Variants in RFX3 observed in about 807,000 individuals in gnomAD.
The protein encoded by RFX3 is regulatory factor X3.
In RFX3, 14 loss-of-function variants were observed where a neutral mutation model predicts 98.6. That is an observed-to-expected ratio of 0.14 (90% CI 0.09 to 0.22). The LOEUF is 0.22. Ranked by LOEUF, RFX3 falls within the 10% of genes least tolerant of loss-of-function variation. RFX3 has a pLI of 1.00. For synonymous variants in RFX3, 383 were observed against 328.4 expected (o/e 1.17, Z -1.80); for missense variants, 639 against 926.9 (o/e 0.69, Z 4.03).
At chr9:3,350,424 G>A (rs547323258) in intron 2 of RFX3, among the ~76,000 whole-genome samples, 1 of 152,256 alleles carries the variant, frequency 6.6e-6, no homozygotes, top group African/African-American at 2.4e-5. Flanking sequence ...CTAAATGCTA[G>A]CAGGGATGTG....
At chr9:3,243,132 G>A (rs1243396976) in intron 15 of RFX3, among the ~76,000 whole-genome samples, 1 of 151,892 alleles carries the variant, frequency 6.6e-6, no homozygotes, top group Non-Finnish European at 1.5e-5. Context: ...AGAGTTGTAT[G>A]GAAAGCTTTA....
intron 6 of RFX3, among the ~76,000 whole-genome samples, chr9:3,289,030 CAA>C (rs1469931217): frequency 6.6e-6 from 1 of 151,998 alleles, no homozygotes; most frequent in East Asian, 1.9e-4. Flanking sequence ...TTAGAAATGA[CAA>C]AGTTTTGCTC....
chr9:3,386,211 G>C (rs73385622), intron 2 of RFX3, among the ~76,000 whole-genome samples: 2,143 of 152,158 alleles, frequency 0.014, 68 homozygotes, highest in African/African-American at 0.049. Flanking sequence ...AGAACAAAGA[G>C]AAAGTGGCCA....
intron 2 of RFX3, among the ~76,000 whole-genome samples, chr9:3,388,066 T>C (rs1292838340): frequency 1.3e-5 from 2 of 152,172 alleles, no homozygotes; most frequent in Admixed American, 6.6e-5. Context: ...ATTGCTTTAA[T>C]GACAATAAAC....
intron 2 of RFX3, among the ~76,000 whole-genome samples, chr9:3,386,339 T>C (rs1446850885): frequency 1.3e-5 from 2 of 151,958 alleles, no homozygotes; most frequent in Non-Finnish European, 2.9e-5. Flanking sequence ...TAGTAAAAAA[T>C]AATAAACATA....
At chr9:3,350,772 T>G (rs1835012375) in intron 2 of RFX3, among the ~76,000 whole-genome samples, 1 of 151,994 alleles carries the variant, frequency 6.6e-6, no homozygotes, top group Non-Finnish European at 1.5e-5. Flanking sequence ...TGAAAAGAAA[T>G]GAACTACCAA....
intron 2 of RFX3, among the ~76,000 whole-genome samples, chr9:3,380,254 A>G (rs907747923): frequency 6.6e-6 from 1 of 152,128 alleles, no homozygotes; most frequent in African/African-American, 2.4e-5. Context: ...TATTTCAAAG[A>G]TAAGAAAACT....
chr9:3,336,650 T>C (rs1280930337), intron 3 of RFX3, among the ~76,000 whole-genome samples: 1 of 152,174 alleles, frequency 6.6e-6, no homozygotes, highest in African/African-American at 2.4e-5. Flanking sequence ...TGAAGTATTT[T>C]AGATATAACA....
intron 1 of RFX3, chr9:3,452,391 G>A (rs1217419309): frequency 3.2e-6 from 1 of 315,602 alleles, no homozygotes; most frequent in African/African-American, 2.2e-5. Flanking sequence ...AGGAGTTCAA[G>A]TCCAGCTTGG....
At chr9:3,430,882 G>A (rs981470567) in intron 1 of RFX3, among the ~76,000 whole-genome samples, 3 of 151,786 alleles carry the variant, frequency 2.0e-5, no homozygotes, top group African/African-American at 7.3e-5. Flanking sequence ...ATATATGTAG[G>A]TACTAGTCTG....
At chr9:3,257,514 C>A (rs551167929) in intron 13 of RFX3, among the ~76,000 whole-genome samples, 1 of 152,302 alleles carries the variant, frequency 6.6e-6, no homozygotes, top group Non-Finnish European at 1.5e-5. Context: ...AAATAGAAGT[C>A]TGAACCTACA....
At chr9:3,319,922 T>C (rs1344360279) in intron 4 of RFX3, among the ~76,000 whole-genome samples, 1 of 151,240 alleles carries the variant, frequency 6.6e-6, no homozygotes, top group Non-Finnish European at 1.5e-5. Context: ...CATTCCAAAA[T>C]GTTGAACAGT....
At chr9:3,241,431 G>A (rs1819910077) in intron 15 of RFX3, among the ~76,000 whole-genome samples, 1 of 152,096 alleles carries the variant, frequency 6.6e-6, no homozygotes, top group African/African-American at 2.4e-5. Flanking sequence ...ATAGCCCAGA[G>A]CCAGCAGGGA....
At chr9:3,232,215 C>G (rs1006850987) in intron 15 of RFX3, among the ~76,000 whole-genome samples, 1 of 152,192 alleles carries the variant, frequency 6.6e-6, no homozygotes, top group Non-Finnish European at 1.5e-5. Context: ...TCTCCTCTTG[C>G]ACAAAGGATT....
intron 16 of RFX3, among the ~76,000 whole-genome samples, chr9:3,225,923 T>C (rs551042369): frequency 6.6e-6 from 1 of 152,312 alleles, no homozygotes; most frequent in African/African-American, 2.4e-5. Context: ...TGGCAACTGA[T>C]ACTGTTAATA....
intron 1 of RFX3, among the ~76,000 whole-genome samples, chr9:3,508,380 T>A (rs1817323527): frequency 6.6e-6 from 1 of 151,970 alleles, no homozygotes; most frequent in Admixed American, 6.6e-5. Context: ...TCAGTATATA[T>A]GTTGATATAT....
chr9:3,340,162 C>T (rs1833702727), intron 3 of RFX3, among the ~76,000 whole-genome samples: 1 of 152,188 alleles, frequency 6.6e-6, no homozygotes, highest in Non-Finnish European at 1.5e-5. Flanking sequence ...AAAGGATTCC[C>T]TATTTAATAA....
intron 4 of RFX3, among the ~76,000 whole-genome samples, chr9:3,306,043 G>C (rs1397419518): frequency 6.6e-6 from 1 of 152,000 alleles, no homozygotes; most frequent in Non-Finnish European, 1.5e-5. Flanking sequence ...CTGCTAGGTA[G>C]AAATATACGT....
chr9:3,337,552 G>C lies in RFX3; in HGVS notation c.216-7035C>G, dbSNP rs1450218350. Among the ~76,000 whole-genome samples, 5 of 152,222 alleles carry C rather than the reference G, an allele frequency of 3.3e-5. No individual in the cohort carries two copies. The East Asian group carries it at 7.7e-4, about 23-fold the overall frequency. ...ATGGAAATGGTGACACACTGTAAGA[G>C]ACATGTCATGTTTACAGTGGCAGTA... On this transcript the variant is annotated intron_variant, in intron 3 of 16. Transcript: ENST00000617270.
Sources: gnomAD v4.1 joint callset for allele counts (sites outside exome capture counted in the v4.1 genomes callset) on GRCh38, gnomAD v4.1.1 for gene constraint, MANE v1.5 for transcripts, NCBI Gene and HGNC (gene_info 2026-07-23, HGNC 2026-07-21) for gene names.